AK9: variants seen among roughly 807,000 people sequenced by gnomAD.
The protein encoded by AK9 is adenylate kinase domain containing 1.
In AK9, 191 loss-of-function variants were observed where a neutral mutation model predicts 239.6. That is an observed-to-expected ratio of 0.80 (90% CI 0.71 to 0.90). The LOEUF (loss-of-function observed/expected upper bound fraction) is 0.90. Among genes scored for constraint, AK9 ranks in the 40% least tolerant of loss-of-function variants. The probability of loss-of-function intolerance (pLI) is 0.00; values close to 1 mark genes in which losing one functional copy is unlikely to be tolerated. For missense variants in AK9, 1,995 were observed against 2,214.7 expected (o/e 0.90, Z 1.99); for synonymous variants, 689 against 721.0 (o/e 0.96, Z 0.71).
chr6:109,528,751 G>T (rs1183043804), intron 29 of AK9: 13 of 563,292 alleles, frequency 2.3e-5, no homozygotes, highest in Non-Finnish European at 4.3e-5. Flanking sequence ...TCCTTGTTTG[G>T]CTGGACATTT....
intron 17 of AK9, among the ~76,000 whole-genome samples, chr6:109,592,406 G>A (rs1389866092): frequency 2.6e-5 from 4 of 151,194 alleles, no homozygotes; most frequent in Non-Finnish European, 5.9e-5. Context: ...TGGCTCATAA[G>A]GTTTCTGGTG....
intron 17 of AK9, among the ~76,000 whole-genome samples, chr6:109,601,185 A>G (rs1395403949): frequency 1.3e-5 from 2 of 152,042 alleles, no homozygotes; most frequent in East Asian, 3.9e-4. Context: ...TCAATTTTAG[A>G]TCTTGCCTGC....
At chr6:109,568,259 G>T (rs1045192172) in intron 21 of AK9, among the ~76,000 whole-genome samples, 7 of 152,126 alleles carry the variant, frequency 4.6e-5, no homozygotes, top group Non-Finnish European at 1.0e-4. Context: ...CAATAAACTA[G>T]TTATTGATGA....
chr6:109,516,483 C>A lies in AK9; in HGVS notation c.3793G>T (p.Gly1265Cys). Reference sequence around the variant, plus strand: ...GCTTCAAATTTTTCTCCTAGTTCACCTCTCAGGCGCTCAATTGCATCAGTT... The same window carrying A: ...GCTTCAAATTTTTCTCCTAGTTCACATCTCAGGCGCTCAATTGCATCAGTT... ...QETDAIERLR[G>C]ELGEKFEADT... The change falls in exon 30 of 41, where the codon GGT becomes TGT. Residue 1265 changes from glycine to cysteine, a missense_variant. Physicochemically the swap from Gly to Cys is radical, Grantham distance 159 (BLOSUM62 -3). Coordinates refer to ENST00000424296, the MANE Select transcript of AK9 (RefSeq NM_001145128.3). 1 of 1,551,676 alleles carries A rather than the reference C, an allele frequency of 6.4e-7. No homozygotes were observed. Among genetic ancestry groups the A allele is most frequent in the Non-Finnish European group, 8.7e-7 (1 of 1,146,978 alleles).
intron 13 of AK9, among the ~76,000 whole-genome samples, chr6:109,615,421 C>G (rs1794064696): frequency 6.6e-6 from 1 of 152,020 alleles, no homozygotes; most frequent in African/African-American, 2.4e-5. Context: ...TTCATTTTGT[C>G]CAGCCTTAAA....
At chr6:109,662,688 A>C (rs1800593648) in intron 5 of AK9, 25 bp from the exon 6 acceptor site, 2 of 1,323,584 alleles carry the variant, frequency 1.5e-6, no homozygotes, top group Admixed American at 5.3e-5. Flanking sequence ...ATAATTTTAA[A>C]ACTTTTATAA....
intron 10 of AK9, among the ~76,000 whole-genome samples, chr6:109,636,561 T>TC (rs1460012798): frequency 6.6e-6 from 1 of 150,574 alleles, no homozygotes; most frequent in Non-Finnish European, 1.5e-5. Context: ...TAACTCTCCT[T>TC]CCCCCCAGCC....
intron 10 of AK9, 128 bp downstream of exon 10, chr6:109,641,390 G>A: frequency 1.8e-6 from 1 of 556,926 alleles, no homozygotes; most frequent in South Asian, 2.3e-5. Flanking sequence ...TTCTGACTAG[G>A]TCATCCAGGC....
chr6:109,587,593 G>A (rs1444696031), intron 17 of AK9, among the ~76,000 whole-genome samples: 1 of 152,072 alleles, frequency 6.6e-6, no homozygotes, highest in Non-Finnish European at 1.5e-5. Context: ...CCAATTGTGA[G>A]AACATGCGGT....
intron 9 of AK9, among the ~76,000 whole-genome samples, chr6:109,643,255 CA>C (rs1282783089): frequency 6.6e-6 from 1 of 152,230 alleles, no homozygotes; most frequent in Admixed American, 6.5e-5. Context: ...GAGCATGTCC[CA>C]AGTGAGGAGC....
At chr6:109,583,981 G>T (rs182340941) in intron 19 of AK9, among the ~76,000 whole-genome samples, 2 of 152,210 alleles carry the variant, frequency 1.3e-5, no homozygotes, top group African/African-American at 4.8e-5. Flanking sequence ...ATAGCTGATT[G>T]GAGCTAATTA....
chr6:109,557,609 G>A (rs916696472), intron 24 of AK9, among the ~76,000 whole-genome samples: 7 of 152,164 alleles, frequency 4.6e-5, no homozygotes, highest in African/African-American at 1.7e-4. Context: ...AAGTCTGCTG[G>A]TTTGCAGAGA....
At chr6:109,528,960 C>G in intron 29 of AK9, 51 bp downstream of exon 29, 1 of 1,589,512 alleles carries the variant, frequency 6.3e-7, no homozygotes, top group African/African-American at 1.4e-5. Context: ...GTACCCTGCC[C>G]TGGGCAACAG....
chr6:109,652,554 T>C (rs545286690), intron 8 of AK9, among the ~76,000 whole-genome samples: 9 of 152,368 alleles, frequency 5.9e-5, no homozygotes, highest in Admixed American at 3.3e-4. Context: ...TTTTATAAGA[T>C]TATGTACTGT....
At chr6:109,641,704 A>C in intron 9 of AK9, 88 bp from the exon 10 acceptor site, 1 of 1,063,974 alleles carries the variant, frequency 9.4e-7, no homozygotes, top group Non-Finnish European at 1.4e-6. Flanking sequence ...AGCCAAGACC[A>C]TGCTCCCCCT....
chr6:109,594,508 A>T (rs1206417369), intron 17 of AK9, among the ~76,000 whole-genome samples: 1 of 152,006 alleles, frequency 6.6e-6, no homozygotes, highest in South Asian at 2.1e-4. Flanking sequence ...ATCAGAAAAA[A>T]CTATCAAATT....
At chr6:109,649,327 GCA>G (rs1798567448) in intron 8 of AK9, among the ~76,000 whole-genome samples, 2 of 151,790 alleles carry the variant, frequency 1.3e-5, no homozygotes, top group East Asian at 3.9e-4. Flanking sequence ...TGACATGATT[GCA>G]TATCTAGAAA....
chr6:109,621,893 T>TAAAAAAA (rs59405869), intron 12 of AK9, among the ~76,000 whole-genome samples: 5 of 55,522 alleles, frequency 9.0e-5, no homozygotes, highest in East Asian at 4.2e-4. Context: ...AAAGTATAAT[T>TAAAAAAA]AAAAAAAAAA....
chr6:109,514,114 A>G (rs1426616351), intron 32 of AK9, 110 bp downstream of exon 32: 2 of 1,033,316 alleles, frequency 1.9e-6, no homozygotes, highest in Admixed American at 2.8e-5. Context: ...CTACGATTAA[A>G]TGTCTTTTTC....
Sources: allele counts gnomAD v4.1 joint callset (sites outside exome capture counted in the v4.1 genomes callset), GRCh38; gene constraint gnomAD v4.1.1; transcripts MANE v1.5; gene names NCBI Gene and HGNC (gene_info 2026-07-23, HGNC 2026-07-21).